TAFA5: variants seen among roughly 807,000 people sequenced by gnomAD.
TAFA5 encodes TAFA chemokine like family member 5.
In TAFA5, 6 loss-of-function variants were observed where a neutral mutation model predicts 15.3. The observed-to-expected ratio is 0.39, with a 90% confidence interval of 0.21 to 0.77. The LOEUF is 0.77. TAFA5 is among the 30% of genes least tolerant of loss of function. The probability of loss-of-function intolerance (pLI) is 0.41; values close to 1 mark genes in which losing one functional copy is unlikely to be tolerated. For missense variants in TAFA5, 161 were observed against 193.1 expected, an observed-to-expected ratio of 0.83 and a Z score of 0.98; for synonymous variants, 103 against 80.7, an observed-to-expected ratio of 1.28 and a Z score of -1.48.
At chr22:48,576,051 C>G (rs963101355) in intron 1 of TAFA5, among the ~76,000 whole-genome samples, 6 of 115,944 alleles carry the variant, frequency 5.2e-5, no homozygotes, top group Non-Finnish European at 9.3e-5. Context: ...CCCCCCCCCC[C>G]CCGCGCCGCC....
intron 2 of TAFA5, among the ~76,000 whole-genome samples, chr22:48,650,307 A>G: frequency 6.6e-6 from 1 of 152,156 alleles, no homozygotes; most frequent in East Asian, 1.9e-4. Context: ...CGGTTTCTTA[A>G]TTATTCATAC....
chr22:48,646,482 C>T (rs9617472), intron 1 of TAFA5, 115 bp from the exon 2 acceptor site: 612,065 of 1,327,350 alleles, frequency 0.46, 143,078 homozygotes, highest in South Asian at 0.56. Flanking sequence ...GAAGCGGTCT[C>T]CCTGCCCTGT....
At chr22:48,696,329 C>G (rs956772620) in intron 2 of TAFA5, among the ~76,000 whole-genome samples, 2 of 152,212 alleles carry the variant, frequency 1.3e-5, no homozygotes, top group African/African-American at 4.8e-5. Context: ...TTCCTATCCT[C>G]CCTCCACTCT....
intron 2 of TAFA5, among the ~76,000 whole-genome samples, chr22:48,694,421 C>T (rs1234746938): frequency 6.6e-6 from 1 of 152,298 alleles, no homozygotes; most frequent in African/African-American, 2.4e-5. Context: ...TGGGCTCTGA[C>T]GTTTCGAGTG....
intron 2 of TAFA5, among the ~76,000 whole-genome samples, chr22:48,703,761 T>C (rs1209738975): frequency 6.6e-6 from 1 of 152,218 alleles, no homozygotes; most frequent in Non-Finnish European, 1.5e-5. Context: ...GTCCACCCTC[T>C]CACAGCCTGC....
chr22:48,614,602 C>T (rs1245274974), intron 1 of TAFA5, among the ~76,000 whole-genome samples: 1 of 152,200 alleles, frequency 6.6e-6, no homozygotes, highest in Admixed American at 6.5e-5. Flanking sequence ...GCCAGACTCA[C>T]ACTGTGCCTG....
chr22:48,510,971 G>T (rs991586066), intron 1 of TAFA5, among the ~76,000 whole-genome samples: 1 of 152,254 alleles, frequency 6.6e-6, no homozygotes, highest in Non-Finnish European at 1.5e-5. Context: ...TGACATGAGG[G>T]AGGGAGGGGC....
At position 48,530,644 on chromosome 22, in the gene TAFA5, C is replaced by T. The variant is rs1156614629; in HGVS notation, c.112+40940C>T. The stretch of plus-strand genomic sequence containing the variant: ...CCTTCCCATCCCTTCTGCTTGGCGA[C>T]CCTCCTCCAATGGGCTCCCGTCTTT... On this transcript the variant is annotated intron_variant, in intron 1 of 3. Coordinates refer to ENST00000402357, the MANE Select transcript of TAFA5 (RefSeq NM_001082967.3). This position sits in a 1 kb window ranked among gnomAD's most constrained non-coding sequence, Gnocchi z 6.0. Among the ~76,000 whole-genome samples the T allele has an allele frequency of 6.6e-6, 1 of 152,066 alleles. No individual in the cohort carries two copies. The highest frequency in any genetic ancestry group is 1.5e-5 in the Non-Finnish European group (1 of 68,020).
chr22:48,666,585 A>ACTGAGGCCCGTGACCAGGCAATC (rs1927623468), intron 2 of TAFA5, among the ~76,000 whole-genome samples: 1 of 152,248 alleles, frequency 6.6e-6, no homozygotes, highest in Non-Finnish European at 1.5e-5. Flanking sequence ...ACCTGGTGAT[A>ACTGAGGCCCGTGACCAGGCAATC]CTGAGTGACC....
chr22:48,680,451 C>T (rs1429330997), intron 2 of TAFA5, among the ~76,000 whole-genome samples: 2 of 151,062 alleles, frequency 1.3e-5, no homozygotes, highest in Non-Finnish European at 2.9e-5. Flanking sequence ...TCCAGGTAGC[C>T]CCACAGCAGG....
At chr22:48,711,378 GGTGA>G (rs1172128097) in intron 3 of TAFA5, among the ~76,000 whole-genome samples, 3 of 151,902 alleles carry the variant, frequency 2.0e-5, no homozygotes, top group Non-Finnish European at 4.4e-5. Context: ...GGTAGATCTC[GGTGA>G]GTGACCGTGT....
At chr22:48,650,193 G>C (rs1390665105) in intron 2 of TAFA5, among the ~76,000 whole-genome samples, 4 of 152,344 alleles carry the variant, frequency 2.6e-5, no homozygotes, top group Non-Finnish European at 5.9e-5. Context: ...TTGAATGTGA[G>C]TAGGGTTGAA....
chr22:48,512,058 G>C (rs1279955821), intron 1 of TAFA5, among the ~76,000 whole-genome samples: 1 of 152,114 alleles, frequency 6.6e-6, no homozygotes, highest in East Asian at 1.9e-4. Flanking sequence ...GGGGATTTGG[G>C]GAAAGTGTCA....
intron 2 of TAFA5, among the ~76,000 whole-genome samples, chr22:48,664,882 C>T (rs926067244): frequency 3.3e-5 from 5 of 152,184 alleles, no homozygotes; most frequent in African/African-American, 9.7e-5. Flanking sequence ...AGTCATTCTG[C>T]GTGATGCTGC....
At chr22:48,597,460 C>T (rs1924808693) in intron 1 of TAFA5, among the ~76,000 whole-genome samples, 1 of 151,896 alleles carries the variant, frequency 6.6e-6, no homozygotes, top group African/African-American at 2.4e-5. Flanking sequence ...CTGCCACCCT[C>T]TTCACCACGC....
intron 1 of TAFA5, among the ~76,000 whole-genome samples, chr22:48,610,205 G>T (rs929824687): frequency 1.3e-5 from 2 of 152,078 alleles, no homozygotes; most frequent in African/African-American, 4.8e-5. Context: ...GAAGGGCCTG[G>T]CTGCACTGCT....
chr22:48,750,110 C>T lies in TAFA5; in HGVS notation c.*263C>T, dbSNP rs917937071. ...AATACGCAGTCTGTGGGAGCCCGGC[C>T]GCGCCCAGCCCCCGCCGACCGTGGC... On this transcript the variant is annotated 3_prime_UTR_variant, in exon 4 of 4. Coordinates refer to ENST00000402357, the MANE Select transcript of TAFA5 (RefSeq NM_001082967.3). 1.5e-5 allele frequency: 8 copies of T among 533,886 alleles called. No individual in the cohort carries two copies. The highest frequency in any genetic ancestry group is 5.8e-5 in the African/African-American group (3 of 51,340). 33.1% of individuals were successfully genotyped at this position (533,886 alleles called of 1,614,324 possible).
At chr22:48,733,561 G>A (rs1279671520) in intron 3 of TAFA5, among the ~76,000 whole-genome samples, 2 of 152,264 alleles carry the variant, frequency 1.3e-5, no homozygotes, top group Admixed American at 1.3e-4. Flanking sequence ...TTACTTGCAG[G>A]TGAGGTAAGC....
chr22:48,692,166 T>C (rs1279148620), intron 2 of TAFA5, among the ~76,000 whole-genome samples: 1 of 151,672 alleles, frequency 6.6e-6, no homozygotes, highest in African/African-American at 2.4e-5. Flanking sequence ...GACCCTCCCT[T>C]CCTTCAGCAA....
Sources: gnomAD v4.1 joint callset for allele counts (sites outside exome capture counted in the v4.1 genomes callset) on GRCh38, gnomAD v4.1.1 for gene constraint, Gnocchi (gnomAD v3.1) non-coding constraint, MANE v1.5 for transcripts, NCBI Gene and HGNC (gene_info 2026-07-23, HGNC 2026-07-21) for gene names.